GRIN2A: variants seen among roughly 807,000 people sequenced by gnomAD.
The protein encoded by GRIN2A is glutamate receptor ionotropic, NMDA 2A.
Under a neutral mutation model 113.4 loss-of-function variants are expected in GRIN2A, and 22 were observed. That is an observed-to-expected ratio of 0.19 (90% CI 0.14 to 0.28). The LOEUF (loss-of-function observed/expected upper bound fraction) is 0.28. Ranked by LOEUF, GRIN2A falls within the 10% of genes least tolerant of loss-of-function variation. The probability of loss-of-function intolerance (pLI) is 1.00; values close to 1 mark genes in which losing one functional copy is unlikely to be tolerated. For missense variants in GRIN2A, 1,502 were observed against 1,887.0 expected, an observed-to-expected ratio of 0.80 and a Z score of 3.78; for synonymous variants, 827 against 738.4, an observed-to-expected ratio of 1.12 and a Z score of -1.94.
At chr16:9,794,950 G>A (rs900486989) in intron 11 of GRIN2A, among the ~76,000 whole-genome samples, 2 of 152,066 alleles carry the variant, frequency 1.3e-5, no homozygotes, top group Non-Finnish European at 2.9e-5. Context: ...GAGGAGGAGG[G>A]TGGTGGTGAT....
chr16:10,023,207 C>T (rs1341964092), intron 2 of GRIN2A, among the ~76,000 whole-genome samples: 4 of 152,168 alleles, frequency 2.6e-5, no homozygotes, highest in East Asian at 3.9e-4. Flanking sequence ...GCCACAGCTG[C>T]CCCCAATGTT....
chr16:10,142,357 C>T (rs2049344300), intron 2 of GRIN2A, among the ~76,000 whole-genome samples: 1 of 152,196 alleles, frequency 6.6e-6, no homozygotes, highest in Non-Finnish European at 1.5e-5. Context: ...AGGCTCCATA[C>T]ACGTCAGAGC....
At chr16:9,906,535 C>T (rs1298279658) in intron 3 of GRIN2A, among the ~76,000 whole-genome samples, 3 of 152,168 alleles carry the variant, frequency 2.0e-5, no homozygotes, top group African/African-American at 7.2e-5. Context: ...AAACACATTT[C>T]TTCTCTGGGA....
chr16:9,810,367 T>A (rs1038952087), intron 10 of GRIN2A, among the ~76,000 whole-genome samples: 1 of 152,200 alleles, frequency 6.6e-6, no homozygotes, highest in African/African-American at 2.4e-5. Context: ...GGAGGTGATG[T>A]TGGGAAAACC....
intron 3 of GRIN2A, among the ~76,000 whole-genome samples, chr16:9,931,632 G>T (rs1003985272): frequency 1.3e-5 from 2 of 152,046 alleles, no homozygotes; most frequent in Non-Finnish European, 2.9e-5. Context: ...TTTGGTAAGA[G>T]GGTTTTGGTC....
chr16:10,131,522 G>A (rs1247513365), intron 2 of GRIN2A, among the ~76,000 whole-genome samples: 1 of 151,670 alleles, frequency 6.6e-6, no homozygotes, highest in Non-Finnish European at 1.5e-5. Context: ...GAGAGGGACA[G>A]AGAGCACCTC....
In GRIN2A at chr16:9,754,223, T is replaced by G. The variant is rs1174135828; in HGVS notation, c.*8926A>C. 2 of 192,978 alleles carry G rather than the reference T, an allele frequency of 1.0e-5. No individual in the cohort carries two copies. The highest frequency in any genetic ancestry group is 4.6e-5 in the African/African-American group (2 of 43,092). 12.0% of individuals were successfully genotyped at this position (192,978 alleles called of 1,614,324 possible). On this transcript the variant is annotated 3_prime_UTR_variant, in exon 13 of 13. Transcript: ENST00000330684. ...TATAAACTATGGTGAATTCTGCCAA[T>G]TAATTCAGCAGGTTTATGCTTTTAA...
chr16:10,104,781 A>G (rs1018399342), intron 2 of GRIN2A, among the ~76,000 whole-genome samples: 3 of 152,068 alleles, frequency 2.0e-5, no homozygotes, highest in Non-Finnish European at 4.4e-5. Context: ...AACATCGTAG[A>G]CCCCACTGTG....
Position 10,046,219 on chromosome 16 carries a change from G to A in GRIN2A, c.415-107668C>T, listed in dbSNP as rs541647917. The stretch of plus-strand genomic sequence containing the variant: ...AGAAATGTTCTCTCACTCTTAAGAA[G>A]CTACAAAACTGAAAGTGTCTCTTTC... On this transcript the variant is annotated intron_variant, in intron 2 of 12. Coordinates refer to ENST00000330684, the MANE Select transcript of GRIN2A (RefSeq NM_001134407.3). Among the ~76,000 whole-genome samples the A allele has an allele frequency of 4.0e-4, 61 of 152,114 alleles. No individual in the cohort carries two copies. The South Asian group carries it at 8.7e-3, about 22-fold the overall frequency.
At chr16:9,934,812 G>C (rs934016414) in intron 3 of GRIN2A, among the ~76,000 whole-genome samples, 1 of 151,738 alleles carries the variant, frequency 6.6e-6, no homozygotes, top group Admixed American at 6.6e-5. Flanking sequence ...CCTGGGGTGG[G>C]CGTCAGGGAC....
intron 5 of GRIN2A, among the ~76,000 whole-genome samples, chr16:9,844,951 G>A (rs1037923749): frequency 6.6e-6 from 1 of 152,120 alleles, no homozygotes; most frequent in African/African-American, 2.4e-5. Flanking sequence ...TGCCAGAAGT[G>A]AGAAACAAAA....
At chr16:10,068,370 C>T (rs558388376) in intron 2 of GRIN2A, among the ~76,000 whole-genome samples, 1 of 152,352 alleles carries the variant, frequency 6.6e-6, no homozygotes, top group South Asian at 2.1e-4. Flanking sequence ...GTACTGGCAT[C>T]TGCCTGGCTT....
At chr16:10,057,337 A>T (rs1311630256) in intron 2 of GRIN2A, among the ~76,000 whole-genome samples, 2 of 152,216 alleles carry the variant, frequency 1.3e-5, no homozygotes, top group Non-Finnish European at 2.9e-5. Context: ...TAAGTTCCCT[A>T]GGTATTCCTG....
rs531569050 is a variant in GRIN2A at position 9,931,309 on chromosome 16, A to AATG, written c.1007+6647_1007+6649dup. The stretch of plus-strand genomic sequence containing the variant: ...AGTGTAACAAGTATAAAGTTATAAT[A>AATG]ATGATGATGATGACCACAATAATAA... On this transcript the variant is annotated intron_variant, in intron 3 of 12. Transcript: ENST00000330684. 5.3e-4 allele frequency among the ~76,000 whole-genome samples: 81 copies of AATG among 152,308 alleles called. No individual in the cohort carries two copies. The South Asian group carries it at 0.011, about 20-fold the overall frequency.
At chr16:9,843,044 GAA>G (rs1164336951) in intron 5 of GRIN2A, among the ~76,000 whole-genome samples, 2 of 147,520 alleles carry the variant, frequency 1.4e-5, no homozygotes, top group African/African-American at 2.5e-5. Flanking sequence ...TAGAAAGAAA[GAA>G]AGAGAGAGAG....
chr16:10,110,172 A>G (rs2048585339), intron 2 of GRIN2A, among the ~76,000 whole-genome samples: 1 of 152,076 alleles, frequency 6.6e-6, no homozygotes, highest in African/African-American at 2.4e-5. Context: ...CAAGTGAAGA[A>G]CAACAAGAAA....
chr16:9,764,084 G>T lies in GRIN2A; in HGVS notation c.3460C>A (p.Pro1154Thr), dbSNP rs1900742896. Residue 1154 changes from proline to threonine, a missense_variant, in exon 13 of 13, where the codon CCC (proline) becomes ACC (threonine). Physicochemically the swap from Pro to Thr is conservative, Grantham distance 38 (BLOSUM62 -1). This residue lies in a region of GRIN2A where 832 missense variants were observed against 789.7 expected (regional missense o/e 1.05). Transcript: ENST00000330684. ...NVDFPDPYQDPSENFRKGDST... is the reference protein window; with the variant it reads ...NVDFPDPYQDTSENFRKGDST... Reference sequence around the variant, plus strand: ...TCCCCCTTGCGGAAGTTTTCACTGGGATCCTGGTAGGGGTCCGGGAAGTCC... The same window carrying T: ...TCCCCCTTGCGGAAGTTTTCACTGGTATCCTGGTAGGGGTCCGGGAAGTCC... 4 of 1,613,534 alleles carry T rather than the reference G, an allele frequency of 2.5e-6. No homozygotes were observed. Among genetic ancestry groups the T allele is most frequent in the Non-Finnish European group, 3.4e-6 (4 of 1,179,534 alleles).
chr16:10,057,336 T>C (rs1319539425), intron 2 of GRIN2A, among the ~76,000 whole-genome samples: 9 of 152,196 alleles, frequency 5.9e-5, no homozygotes, highest in Admixed American at 5.9e-4. Flanking sequence ...GTAAGTTCCC[T>C]AGGTATTCCT....
At position 10,030,970 on chromosome 16, in the gene GRIN2A, A is replaced by G. The variant is rs1367827501; in HGVS notation, c.415-92419T>C. ...ATGTCTCATGCACCATCTAGGGGGTAGGCTCTGCCATACTGGCTGCTGACT... is the reference window on the plus strand; with the variant it reads ...ATGTCTCATGCACCATCTAGGGGGTGGGCTCTGCCATACTGGCTGCTGACT... On this transcript the variant is annotated intron_variant, in intron 2 of 12. Transcript: ENST00000330684. Among the ~76,000 whole-genome samples, 3 of 152,338 alleles carry G rather than the reference A, an allele frequency of 2.0e-5. No homozygotes were observed. In the South Asian group the frequency reaches 6.2e-4, roughly 32 times the overall value.
Sources: gnomAD v4.1 joint callset for allele counts (sites outside exome capture counted in the v4.1 genomes callset) on GRCh38, gnomAD v4.1.1 for gene constraint, gnomAD v4.1.1 regional missense constraint, MANE v1.5 for transcripts, NCBI Gene and HGNC (gene_info 2026-07-23, HGNC 2026-07-21) for gene names.